The following XRCC4 variants were observed in gnomAD, a reference collection of about 807,000 sequenced individuals.
The protein encoded by XRCC4 is X-ray repair cross complementing 4.
Under a neutral mutation model 39.1 loss-of-function variants are expected in XRCC4, and 28 were observed. The observed-to-expected ratio is 0.72, with a 90% confidence interval of 0.53 to 0.98. The LOEUF is 0.98. Ranked by LOEUF, XRCC4 falls within the 50% of genes least tolerant of loss-of-function variation. The pLI is 0.00. For missense variants in XRCC4, 350 were observed against 376.4 expected, an observed-to-expected ratio of 0.93 and a Z score of 0.58; for synonymous variants, 123 against 126.4, an observed-to-expected ratio of 0.97 and a Z score of 0.18.
At chr5:83,102,154 T>C (rs755995600) in intron 1 of XRCC4, among the ~76,000 whole-genome samples, 72 of 152,250 alleles carry the variant, frequency 4.7e-4, no homozygotes, top group Middle Eastern at 3.4e-3. Flanking sequence ...TCTTTGTCTA[T>C]TTTTTAATTG....
chr5:83,298,401 C>G (rs1322000731), intron 7 of XRCC4, among the ~76,000 whole-genome samples: 1 of 151,836 alleles, frequency 6.6e-6, no homozygotes, highest in Admixed American at 6.6e-5. Context: ...TTATAGTTGT[C>G]AATCTAAGGC....
At chr5:83,085,257 C>T (rs1745128107) in intron 1 of XRCC4, among the ~76,000 whole-genome samples, 1 of 152,122 alleles carries the variant, frequency 6.6e-6, no homozygotes. Flanking sequence ...TGAAACCTGT[C>T]AAAGTCTTGA....
the XRCC4 span, among the ~76,000 whole-genome samples, chr5:83,373,873 T>A: frequency 3.9e-5 from 6 of 152,212 alleles, no homozygotes; most frequent in African/African-American, 1.4e-4. Context: ...GGTTTGTAAA[T>A]CTGTTTACAG....
chr5:83,352,917 C>A (rs1457662608), intron 7 of XRCC4, among the ~76,000 whole-genome samples: 1 of 152,010 alleles, frequency 6.6e-6, no homozygotes. Flanking sequence ...TTGAATTTTC[C>A]TTAGGTCAGA....
At chr5:83,087,222 C>A (rs1745221719) in intron 1 of XRCC4, among the ~76,000 whole-genome samples, 1 of 151,758 alleles carries the variant, frequency 6.6e-6, no homozygotes, top group African/African-American at 2.4e-5. Context: ...GAGGCTGAGA[C>A]ATGAGAATTG....
chr5:83,250,715 C>T (rs1286223845), intron 6 of XRCC4, among the ~76,000 whole-genome samples: 1 of 152,158 alleles, frequency 6.6e-6, no homozygotes, highest in South Asian at 2.1e-4. Context: ...TCAGTTTGCT[C>T]AGCGTGAGCT....
chr5:83,306,814 C>G (rs2112072227), intron 7 of XRCC4, among the ~76,000 whole-genome samples: 1 of 152,304 alleles, frequency 6.6e-6, no homozygotes, highest in South Asian at 2.1e-4. Context: ...GCTGGAAACT[C>G]TGACTCATGT....
intron 6 of XRCC4, among the ~76,000 whole-genome samples, chr5:83,208,190 C>T (rs910328015): frequency 4.6e-5 from 7 of 151,878 alleles, no homozygotes; most frequent in African/African-American, 7.2e-5. Flanking sequence ...TTTAGTAATA[C>T]GAAGATGAAT....
intron 1 of XRCC4, among the ~76,000 whole-genome samples, chr5:83,083,430 G>A (rs902073544): frequency 3.4e-5 from 5 of 148,728 alleles, no homozygotes; most frequent in African/African-American, 1.3e-4. Flanking sequence ...AGGCTGGAGT[G>A]CAGTGGCACA....
At chr5:83,232,244 C>A (rs192302071) in intron 6 of XRCC4, among the ~76,000 whole-genome samples, 164 of 152,172 alleles carry the variant, frequency 1.1e-3, no homozygotes, top group African/African-American at 3.7e-3. Flanking sequence ...CCTAATAAAT[C>A]GTGTAAAGTT....
intron 1 of XRCC4, among the ~76,000 whole-genome samples, chr5:83,092,446 T>C (rs1309373406): frequency 6.6e-6 from 1 of 152,148 alleles, no homozygotes; most frequent in Admixed American, 6.6e-5. Flanking sequence ...AAAAAAGTTA[T>C]GAAAGCACAG....
intron 3 of XRCC4, among the ~76,000 whole-genome samples, chr5:83,160,804 A>G (rs1019473187): frequency 2.0e-5 from 3 of 151,882 alleles, no homozygotes; most frequent in Admixed American, 2.0e-4. Flanking sequence ...GCAGACCTCT[A>G]CCCACCCCGC....
At chr5:83,321,138 A>G (rs990434825) in intron 7 of XRCC4, among the ~76,000 whole-genome samples, 6 of 152,152 alleles carry the variant, frequency 3.9e-5, no homozygotes, top group Admixed American at 1.3e-4. Flanking sequence ...TGCACACTTA[A>G]TAGGCTACAG....
chr5:83,107,773 C>T (rs767116435), intron 2 of XRCC4, among the ~76,000 whole-genome samples: 1 of 151,870 alleles, frequency 6.6e-6, no homozygotes, highest in Non-Finnish European at 1.5e-5. Flanking sequence ...ATTAGATCCA[C>T]TTATAATTAT....
chr5:83,351,141 C>A (rs117272045), intron 7 of XRCC4, among the ~76,000 whole-genome samples: 1 of 152,130 alleles, frequency 6.6e-6, no homozygotes, highest in Non-Finnish European at 1.5e-5. Flanking sequence ...TCTTACCCCC[C>A]GCTTCCTCCT....
At chr5:83,305,604 C>T (rs1472869785) in intron 7 of XRCC4, among the ~76,000 whole-genome samples, 1 of 152,072 alleles carries the variant, frequency 6.6e-6, no homozygotes, top group African/African-American at 2.4e-5. Context: ...ATGATATTAA[C>T]TTAGACTGGA....
At position 83,092,718 on chromosome 5, in the gene XRCC4, G is replaced by A. The variant is rs193127294; in HGVS notation, c.-10-12192G>A. ...CTATCAGGTTAAAATAGACAGAAGT[G>A]TAAGATATTCTTTGTAAGCCTCATG... On this transcript the variant is annotated intron_variant, in intron 1 of 7. Transcript: ENST00000396027. Among the ~76,000 whole-genome samples, 8 of 152,104 alleles carry A rather than the reference G, an allele frequency of 5.3e-5. No homozygotes were observed. The East Asian group carries it at 1.6e-3, about 30-fold the overall frequency.
intron 7 of XRCC4, among the ~76,000 whole-genome samples, chr5:83,297,882 C>G (rs1755148625): frequency 6.6e-6 from 1 of 151,958 alleles, no homozygotes; most frequent in African/African-American, 2.4e-5. Context: ...CTCCACCTTG[C>G]TGCCAAAAAC....
intron 4 of XRCC4, among the ~76,000 whole-genome samples, chr5:83,196,532 C>G (rs1170022304): frequency 6.6e-6 from 1 of 151,700 alleles, no homozygotes; most frequent in East Asian, 1.9e-4. Context: ...TATGAACTTT[C>G]TCAACTAAAT....
Sources: gnomAD v4.1 joint callset for allele counts (sites outside exome capture counted in the v4.1 genomes callset) on GRCh38, gnomAD v4.1.1 for gene constraint, MANE v1.5 for transcripts, NCBI Gene and HGNC (gene_info 2026-07-23, HGNC 2026-07-21) for gene names.